The following SAMD12 variants were observed in gnomAD, a reference collection of about 807,000 sequenced individuals.
The protein encoded by SAMD12 is sterile alpha motif domain containing 12.
SAMD12 carries 9 observed loss-of-function variants against 15.0 expected under a neutral mutation model. The observed-to-expected ratio is 0.60, with a 90% CI of 0.36 to 1.05. The LOEUF (loss-of-function observed/expected upper bound fraction) is 1.05. Ranked by LOEUF, SAMD12 falls within the 50% of genes least tolerant of loss-of-function variation. SAMD12 has a pLI of 0.01. For missense variants in SAMD12, 230 were observed against 234.2 expected (o/e 0.98, Z 0.12); for synonymous variants, 86 against 90.1 (o/e 0.96, Z 0.25).
chr8:118,533,416 G>C (rs1428817688), intron 2 of SAMD12, among the ~76,000 whole-genome samples: 2 of 152,328 alleles, frequency 1.3e-5, no homozygotes, highest in Non-Finnish European at 2.9e-5. Context: ...TGTATATTCT[G>C]TTGATTTGGG....
At chr8:118,167,846 C>T in the SAMD12 span, among the ~76,000 whole-genome samples, 1 of 152,124 alleles carries the variant, frequency 6.6e-6, no homozygotes, top group Admixed American at 6.5e-5. Context: ...ACAAACCCAA[C>T]ATGTTCAACT....
chr8:118,373,564 A>G (rs1349878983), downstream of SAMD12, among the ~76,000 whole-genome samples: 1 of 152,206 alleles, frequency 6.6e-6, no homozygotes, highest in Non-Finnish European at 1.5e-5. Context: ...CCATCTGGTT[A>G]TGCAATTCCC....
In SAMD12 at chr8:118,348,146, G is replaced by A. The variant is rs1243346639; in HGVS notation, c.433+31414C>T. Reference sequence around the variant, plus strand: ...GGCTGGAGTGCAACGGTGCCCTCTCGGCTCACTGCAGCCTCTGCCTCCCAA... The same window carrying A: ...GGCTGGAGTGCAACGGTGCCCTCTCAGCTCACTGCAGCCTCTGCCTCCCAA... On this transcript the variant is annotated intron_variant, in intron 4 of 4. Coordinates refer to the SAMD12 transcript ENST00000409003. 2.6e-5 allele frequency among the ~76,000 whole-genome samples: 4 copies of A among 151,762 alleles called. No individual in the cohort carries two copies. In the East Asian group the frequency reaches 5.8e-4, roughly 22 times the overall value.
chr8:118,287,217 C>T (rs2130216789), intron 4 of SAMD12, among the ~76,000 whole-genome samples: 1 of 151,876 alleles, frequency 6.6e-6, no homozygotes, highest in South Asian at 2.1e-4. Flanking sequence ...CTCCGCCTCC[C>T]GGGTTCAGGC....
chr8:118,484,199 G>A lies in SAMD12; in HGVS notation c.193-44238C>T, dbSNP rs146954205. Among the ~76,000 whole-genome samples the A allele has an allele frequency of 2.0e-3, 297 of 152,270 alleles. 1 individual carries two copies. The highest frequency in any genetic ancestry group is 3.8e-3 in the Admixed American group (58 of 15,292). On this transcript the variant is annotated intron_variant, in intron 2 of 3. Transcript: ENST00000314727. ...GGTCATGTGCATATCTGAAGAATGAGCTTAGGTGTGCTGGCCAGGTGGAAT... is the reference window on the plus strand; with the variant it reads ...GGTCATGTGCATATCTGAAGAATGAACTTAGGTGTGCTGGCCAGGTGGAAT...
intron 4 of SAMD12, among the ~76,000 whole-genome samples, chr8:118,340,926 A>G (rs781512940): frequency 6.6e-6 from 1 of 152,226 alleles, no homozygotes; most frequent in African/African-American, 2.4e-5. Context: ...CGCACTGGAA[A>G]GGCATTCTCT....
intron 1 of SAMD12, among the ~76,000 whole-genome samples, chr8:118,582,978 T>A (rs1827335911): frequency 6.6e-6 from 1 of 152,060 alleles, no homozygotes; most frequent in Non-Finnish European, 1.5e-5. Flanking sequence ...CTTTGTAGCA[T>A]CTAGACTACA....
intron 4 of SAMD12, among the ~76,000 whole-genome samples, chr8:118,368,876 G>C (rs1164824187): frequency 6.6e-6 from 1 of 152,160 alleles, no homozygotes; most frequent in Admixed American, 6.6e-5. Context: ...CTTTTATACA[G>C]GCTTCCCTTT....
chr8:118,502,619 T>C (rs1246514662), intron 2 of SAMD12, among the ~76,000 whole-genome samples: 1 of 152,232 alleles, frequency 6.6e-6, no homozygotes, highest in Non-Finnish European at 1.5e-5. Flanking sequence ...ACATTTTCAT[T>C]ACATTTTTCA....
rs937955667 is a variant in SAMD12, at chr8:118,379,071, C to T, written c.*346G>A. The T allele has an allele frequency of 1.3e-5, 14 of 1,042,992 alleles. No individual in the cohort carries two copies. The African/African-American group carries it at 1.5e-4, about 11-fold the overall frequency. 64.6% of individuals were successfully genotyped at this position (1,042,992 alleles called of 1,614,324 possible). A position where few individuals can be genotyped will look rare whatever the true frequency, so the allele number is the denominator to read the frequency against. ...TCTAAAATGTTTTTCTCCCACTAACCGGTGAAAAGCAAAACAAAAATACAA... is the reference window on the plus strand; with the variant it reads ...TCTAAAATGTTTTTCTCCCACTAACTGGTGAAAAGCAAAACAAAAATACAA... On this transcript the variant is annotated 3_prime_UTR_variant, in exon 4 of 4. Transcript: ENST00000314727.
At position 118,580,771 on chromosome 8, in the gene SAMD12, C is replaced by T; in HGVS notation, c.136G>A (p.Val46Met). 6.2e-7 allele frequency: 1 copy of T among 1,613,414 alleles called. No homozygotes were observed. The highest frequency in any genetic ancestry group is 8.5e-7 in the Non-Finnish European group (1 of 1,179,504). ...TTGGGAGTTCCTTTCTGGTCAGGCA[C>T]CTTCTGGAAATTTTTATTTTTAATG... Reference protein sequence around the residue: ...QSIKNKNFQKVPDQKGTPKRL... With the variant: ...QSIKNKNFQKMPDQKGTPKRL... Residue 46 changes from valine (V) to methionine (M), a missense_variant, in exon 2 of 4, where the codon GTG (valine) becomes ATG (methionine). Val to Met is a conservative substitution (Grantham distance 21). Coordinates refer to ENST00000314727, the MANE Select transcript of SAMD12 (RefSeq NM_207506.3).
intron 4 of SAMD12, among the ~76,000 whole-genome samples, chr8:118,209,909 C>T (rs1297673591): frequency 6.6e-6 from 1 of 152,154 alleles, no homozygotes. Flanking sequence ...AGAGCCAAGA[C>T]CCCCCTACCT....
chr8:118,417,572 T>C (rs1199686074), intron 3 of SAMD12, among the ~76,000 whole-genome samples: 1 of 152,186 alleles, frequency 6.6e-6, no homozygotes. Flanking sequence ...CAACTTATAA[T>C]AAATTACAAA....
chr8:118,252,540 T>C (rs1320104234), intron 4 of SAMD12, among the ~76,000 whole-genome samples: 1 of 152,192 alleles, frequency 6.6e-6, no homozygotes, highest in Non-Finnish European at 1.5e-5. Flanking sequence ...CACTTCCTGA[T>C]AGCTGCCTTT....
At chr8:118,158,156 A>G in the SAMD12 span, among the ~76,000 whole-genome samples, 3 of 152,236 alleles carry the variant, frequency 2.0e-5, no homozygotes, top group African/African-American at 7.2e-5. Flanking sequence ...GGAGATCTGT[A>G]GAAGGTACAT....
chr8:118,271,035 A>C (rs1813344139), intron 4 of SAMD12, among the ~76,000 whole-genome samples: 1 of 152,144 alleles, frequency 6.6e-6, no homozygotes, highest in African/African-American at 2.4e-5. Context: ...TACAGAATTC[A>C]TTGTTGGAAT....
At chr8:118,385,050 G>A (rs1242077693) in intron 3 of SAMD12, among the ~76,000 whole-genome samples, 2 of 152,204 alleles carry the variant, frequency 1.3e-5, no homozygotes, top group South Asian at 2.1e-4. Context: ...GAGTTTTGCC[G>A]CAATCTGAAG....
At chr8:118,386,860 G>T (rs1312077810) in intron 3 of SAMD12, among the ~76,000 whole-genome samples, 1 of 152,226 alleles carries the variant, frequency 6.6e-6, no homozygotes, top group Non-Finnish European at 1.5e-5. Context: ...GGTGAGCCAA[G>T]AGTGGCCTCA....
At chr8:118,449,821 CA>C (rs1318741247) in intron 2 of SAMD12, among the ~76,000 whole-genome samples, 43 of 116,636 alleles carry the variant, frequency 3.7e-4, no homozygotes, top group Admixed American at 1.2e-3. Flanking sequence ...AAAAAAACAA[CA>C]AAAAAAAAGG....
Sources: gnomAD v4.1 joint callset for allele counts (sites outside exome capture counted in the v4.1 genomes callset) on GRCh38, gnomAD v4.1.1 for gene constraint, MANE v1.5 for transcripts, NCBI Gene and HGNC (gene_info 2026-07-23, HGNC 2026-07-21) for gene names.